The following VCF1 variants were observed in gnomAD, a reference collection of about 807,000 sequenced individuals.
VCF1 encodes the protein protein VCF1.
the VCF1 span, among the ~76,000 whole-genome samples, chr17:73,216,006 A>G: frequency 1.3e-5 from 2 of 152,160 alleles, no homozygotes; most frequent in Admixed American, 6.5e-5. Context: ...AAACTGCACA[A>G]GAGGTGATGG....
the VCF1 span, chr17:73,208,223 C>T: frequency 5.6e-5 from 90 of 1,603,084 alleles, no homozygotes; most frequent in Non-Finnish European, 7.1e-5. Flanking sequence ...TTGTGTGTGC[C>T]GTGTGGACTC....
the VCF1 span, chr17:73,208,465 C>CT: frequency 1.2e-6 from 2 of 1,613,366 alleles, no homozygotes; most frequent in Non-Finnish European, 1.7e-6. Flanking sequence ...GGCAACACAT[C>CT]TGTCTCTCCC....
At chr17:73,211,505 T>C in the VCF1 span, among the ~76,000 whole-genome samples, 13 of 142,560 alleles carry the variant, frequency 9.1e-5, no homozygotes, top group Non-Finnish European at 1.7e-4. Context: ...GGGGTGGAGG[T>C]TGCAGTGAGC....
the VCF1 span, chr17:73,229,339 C>T: frequency 1.0e-6 from 1 of 985,450 alleles, no homozygotes; most frequent in Non-Finnish European, 1.2e-6. Flanking sequence ...CAGCTTCATG[C>T]TCATCCCTAT....
At chr17:73,219,716 T>C in the VCF1 span, among the ~76,000 whole-genome samples, 6 of 151,780 alleles carry the variant, frequency 4.0e-5, no homozygotes. Context: ...CTCATGCCTA[T>C]AATCCTAGCA....
At chr17:73,208,875 C>A in the VCF1 span, 1 of 300,718 alleles carries the variant, frequency 3.3e-6, no homozygotes, top group Non-Finnish European at 6.4e-6. Context: ...TCTGGGTATA[C>A]AAGAATCTAA....
the VCF1 span, chr17:73,208,076 G>A: frequency 7.1e-7 from 1 of 1,416,728 alleles, no homozygotes; most frequent in South Asian, 1.5e-5. Flanking sequence ...AAGTGCCTGT[G>A]TCTACCCTTT....
chr17:73,228,649 T>C, the VCF1 span, among the ~76,000 whole-genome samples: 1 of 152,188 alleles, frequency 6.6e-6, no homozygotes, highest in East Asian at 1.9e-4. Flanking sequence ...GGAGATCAGA[T>C]CTTAGCTGCA....
the VCF1 span, among the ~76,000 whole-genome samples, chr17:73,230,173 T>A: frequency 0.054 from 8,166 of 152,062 alleles, 252 homozygotes; most frequent in Middle Eastern, 0.085. Context: ...AGCTCACACC[T>A]GTGCTCCAGC....
At chr17:73,221,281 A>G in the VCF1 span, among the ~76,000 whole-genome samples, 2 of 151,632 alleles carry the variant, frequency 1.3e-5, no homozygotes, top group African/African-American at 4.9e-5. Context: ...TTTACAAGGC[A>G]TATACCTAGG....
At chr17:73,213,552 G>A in the VCF1 span, among the ~76,000 whole-genome samples, 316 of 152,212 alleles carry the variant, frequency 2.1e-3, 8 homozygotes, top group Non-Finnish European at 2.4e-4. Flanking sequence ...AATCTGGAAG[G>A]ATATATATGA....
chr17:73,229,471 A>G, the VCF1 span: 1 of 985,466 alleles, frequency 1.0e-6, no homozygotes, highest in Non-Finnish European at 1.2e-6. Context: ...ATTACCAGTT[A>G]GCATCTGTTA....
the VCF1 span, chr17:73,207,382 T>C: frequency 1.1e-6 from 1 of 917,094 alleles, no homozygotes; most frequent in Non-Finnish European, 1.7e-6. Flanking sequence ...ATGCTGCTTT[T>C]AATGGCGGCG....
At chr17:73,229,303 A>G in the VCF1 span, 1 of 985,408 alleles carries the variant, frequency 1.0e-6, no homozygotes, top group Non-Finnish European at 1.2e-6. Flanking sequence ...TTCTTTCAAC[A>G]ATGGTGTTAA....
the VCF1 span, among the ~76,000 whole-genome samples, chr17:73,215,824 T>C: frequency 1.3e-5 from 2 of 152,172 alleles, no homozygotes; most frequent in African/African-American, 2.4e-5. Context: ...AATCCAGCAA[T>C]GGATGCTGAC....
chr17:73,228,010 T>G, the VCF1 span, among the ~76,000 whole-genome samples: 2 of 152,356 alleles, frequency 1.3e-5, no homozygotes, highest in South Asian at 4.1e-4. Flanking sequence ...TGCCCGGAAC[T>G]GTACTGTCCA....
the VCF1 span, among the ~76,000 whole-genome samples, chr17:73,217,433 C>T: frequency 1.0e-3 from 152 of 149,784 alleles, 1 homozygote; most frequent in Middle Eastern, 3.7e-3. Flanking sequence ...AGGTGGATCA[C>T]GAGGTCAAGA....
the VCF1 span, chr17:73,208,174 A>G: frequency 1.3e-6 from 2 of 1,546,212 alleles, no homozygotes; most frequent in Admixed American, 3.9e-5. Context: ...ACCGACAGCA[A>G]AGTCCTCTGA....
chr17:73,212,547 A>G, the VCF1 span: 3 of 616,624 alleles, frequency 4.9e-6, no homozygotes, highest in Admixed American at 3.7e-5. Flanking sequence ...TTAAGAAGTC[A>G]AAGTCAAAAA....
Sources: allele counts gnomAD v4.1 joint callset (sites outside exome capture counted in the v4.1 genomes callset), GRCh38; gene constraint gnomAD v4.1.1; transcripts MANE v1.5; gene names NCBI Gene and HGNC (gene_info 2026-07-23, HGNC 2026-07-21).